The following TEAD1 variants were observed in gnomAD, a reference collection of about 807,000 sequenced individuals.
TEAD1 encodes transcriptional enhancer factor TEF-1.
TEAD1 carries 9 observed loss-of-function variants against 54.9 expected under a neutral mutation model. That is an observed-to-expected ratio of 0.16 (90% CI 0.10 to 0.29). The LOEUF is 0.29. Among genes scored for constraint, TEAD1 ranks in the 10% least tolerant of loss-of-function variants. TEAD1 has a pLI of 1.00. For synonymous variants in TEAD1, 200 were observed against 187.8 expected (o/e 1.07, Z -0.53); for missense variants, 387 against 535.9 (o/e 0.72, Z 2.74).
In TEAD1 at chr11:12,939,734, T is replaced by C. The variant is rs958101944; in HGVS notation, c.*2512T>C. On this transcript the variant is annotated 3_prime_UTR_variant, in exon 13 of 13. Coordinates refer to ENST00000527636, the MANE Select transcript of TEAD1 (RefSeq NM_021961.6). ...CTTGCTCTTACAACATTTCTAAGGA[T>C]TTTTAAAAGTTTACTTCTTGTCTTG... The C allele has an allele frequency of 6.6e-6, 1 of 152,238 alleles. No homozygotes were observed. Among genetic ancestry groups the C allele is most frequent in the African/African-American group, 2.4e-5 (1 of 41,446 alleles). 9.4% of individuals were successfully genotyped at this position (152,238 alleles called of 1,614,324 possible).
chr11:12,879,464 G>T (rs1339903411), intron 5 of TEAD1: 3 of 627,556 alleles, frequency 4.8e-6, no homozygotes, highest in Non-Finnish European at 8.6e-6. Flanking sequence ...ACATTCTGTT[G>T]GAAAATGGAT....
intron 2 of TEAD1, among the ~76,000 whole-genome samples, chr11:12,677,842 G>C (rs769195772): frequency 7.2e-5 from 11 of 152,174 alleles, no homozygotes; most frequent in Admixed American, 2.6e-4. Context: ...TCATACAAGA[G>C]CCTGGGCATT....
At chr11:12,837,943 G>T (rs1946940647) in intron 3 of TEAD1, among the ~76,000 whole-genome samples, 1 of 151,498 alleles carries the variant, frequency 6.6e-6, no homozygotes, top group Non-Finnish European at 1.5e-5. Context: ...GCTGGTGCCT[G>T]CCACCACGCC....
chr11:12,732,974 A>G (rs982480873), intron 2 of TEAD1, among the ~76,000 whole-genome samples: 19 of 152,174 alleles, frequency 1.2e-4, no homozygotes, highest in African/African-American at 4.6e-4. Flanking sequence ...ATGAACTGAA[A>G]CCAGAATTCA....
At chr11:12,857,688 T>C (rs1947419012) in intron 3 of TEAD1, among the ~76,000 whole-genome samples, 2 of 151,812 alleles carry the variant, frequency 1.3e-5, no homozygotes, top group African/African-American at 4.8e-5. Context: ...GTGATGGTGC[T>C]GCTTATCTTC....
At chr11:12,827,606 T>G (rs1946682896) in intron 3 of TEAD1, among the ~76,000 whole-genome samples, 1 of 152,216 alleles carries the variant, frequency 6.6e-6, no homozygotes, top group Non-Finnish European at 1.5e-5. Flanking sequence ...GGTCCTATGG[T>G]CATTCCTTTG....
chr11:12,937,455 G>A lies in TEAD1; in HGVS notation c.*233G>A. On this transcript the variant is annotated 3_prime_UTR_variant, in exon 13 of 13. Coordinates refer to ENST00000527636, the MANE Select transcript of TEAD1 (RefSeq NM_021961.6). ...TGGTACAGTTGTAAAAAGAGAAATT[G>A]AGTTGTTTCTCTATGTTCTTCAGAT... The A allele has an allele frequency of 2.5e-6, 1 of 395,452 alleles. No individual in the cohort carries two copies. The highest frequency in any genetic ancestry group is 4.7e-5 in the East Asian group (1 of 21,078). 24.5% of individuals were successfully genotyped at this position (395,452 alleles called of 1,614,324 possible).
chr11:12,898,516 T>G (rs559971337), intron 9 of TEAD1, among the ~76,000 whole-genome samples: 1 of 151,872 alleles, frequency 6.6e-6, no homozygotes, highest in Non-Finnish European at 1.5e-5. Context: ...TGCCTCAGCC[T>G]CCCGAGTAGC....
At position 12,740,417 on chromosome 11, in the gene TEAD1, G is replaced by A. The variant is rs114261676; in HGVS notation, c.-54-23762G>A. ...CAAGTCATTTGGTCTACGTAAAATA[G>A]GATATAATGTGTGTATGTGAAAATT... On this transcript the variant is annotated intron_variant, in intron 2 of 12. Coordinates refer to ENST00000527636, the MANE Select transcript of TEAD1 (RefSeq NM_021961.6). Among the ~76,000 whole-genome samples the A allele has an allele frequency of 2.7e-3, 417 of 152,296 alleles. 3 individuals carry two copies. The highest frequency in any genetic ancestry group is 9.6e-3 in the African/African-American group (398 of 41,566).
At chr11:12,881,313 C>G (rs1379177691) in intron 7 of TEAD1, among the ~76,000 whole-genome samples, 1 of 152,164 alleles carries the variant, frequency 6.6e-6, no homozygotes, top group African/African-American at 2.4e-5. Flanking sequence ...AAGTGGACCC[C>G]TCTTCCTTCA....
intron 3 of TEAD1, among the ~76,000 whole-genome samples, chr11:12,774,226 G>A (rs1431108177): frequency 6.6e-6 from 1 of 152,174 alleles, no homozygotes; most frequent in Non-Finnish European, 1.5e-5. Flanking sequence ...GAGTTTCGAG[G>A]TGTGGCCACA....
chr11:12,897,103 A>G (rs925727511), intron 9 of TEAD1, among the ~76,000 whole-genome samples: 1 of 152,150 alleles, frequency 6.6e-6, no homozygotes, highest in African/African-American at 2.4e-5. Context: ...TTTTCTGCTC[A>G]TATCTTGATC....
intron 3 of TEAD1, among the ~76,000 whole-genome samples, chr11:12,787,593 T>G (rs112128934): frequency 1.9e-3 from 292 of 152,360 alleles, no homozygotes; most frequent in African/African-American, 6.2e-3. Flanking sequence ...TGAAAGCATT[T>G]CTTTGTTTTC....
At chr11:12,819,771 G>C (rs113712928) in intron 3 of TEAD1, among the ~76,000 whole-genome samples, 1 of 152,092 alleles carries the variant, frequency 6.6e-6, no homozygotes, top group African/African-American at 2.4e-5. Flanking sequence ...TCTTAAAAGC[G>C]GTCTTATTCT....
intron 2 of TEAD1, among the ~76,000 whole-genome samples, chr11:12,744,904 G>A (rs1315041773): frequency 2.0e-5 from 3 of 152,118 alleles, no homozygotes; most frequent in African/African-American, 4.8e-5. Flanking sequence ...GTTCTGAGAG[G>A]CCCTAATGGG....
intron 3 of TEAD1, among the ~76,000 whole-genome samples, chr11:12,839,771 G>T (rs143432733): frequency 1.3e-3 from 199 of 152,244 alleles, no homozygotes; most frequent in African/African-American, 4.0e-3. Flanking sequence ...ATAGAAATTT[G>T]CAGGCAGCAA....
At chr11:12,710,211 C>A (rs1003084282) in intron 2 of TEAD1, among the ~76,000 whole-genome samples, 10 of 152,042 alleles carry the variant, frequency 6.6e-5, no homozygotes, top group African/African-American at 2.4e-4. Flanking sequence ...GTAGTCTCAG[C>A]TTCTTGGGAG....
intron 5 of TEAD1, among the ~76,000 whole-genome samples, chr11:12,877,362 A>T (rs1039654722): frequency 1.3e-5 from 2 of 152,190 alleles, no homozygotes; most frequent in Non-Finnish European, 2.9e-5. Flanking sequence ...AAGACATAAA[A>T]ATTAATGTGG....
intron 3 of TEAD1, among the ~76,000 whole-genome samples, chr11:12,845,640 GTTTA>G (rs1947130793): frequency 6.6e-6 from 1 of 152,202 alleles, no homozygotes; most frequent in Non-Finnish European, 1.5e-5. Flanking sequence ...CTGGCTAAGG[GTTTA>G]TTAAGTGTGG....
Sources: gnomAD v4.1 joint callset for allele counts (sites outside exome capture counted in the v4.1 genomes callset) on GRCh38, gnomAD v4.1.1 for gene constraint, MANE v1.5 for transcripts, NCBI Gene and HGNC (gene_info 2026-07-23, HGNC 2026-07-21) for gene names.